The following OCA2 variants were observed in gnomAD, a reference collection of about 807,000 sequenced individuals.
OCA2 encodes OCA2 melanosomal transmembrane protein.
OCA2 carries 77 observed loss-of-function variants against 100.2 expected under a neutral mutation model. The observed-to-expected ratio is 0.77, with a 90% CI of 0.64 to 0.93. OCA2 has a LOEUF of 0.93. Among genes scored for constraint, OCA2 ranks in the 40% least tolerant of loss-of-function variants. The pLI, the probability that OCA2 is intolerant of heterozygous loss-of-function variation, is 0.00. For synonymous variants in OCA2, 432 were observed against 439.2 expected (o/e 0.98, Z 0.21); for missense variants, 1,062 against 1,089.1 (o/e 0.98, Z 0.35).
rs1466304871 is a variant in OCA2, at chr15:28,022,493, T to C, written c.646+8A>G. The C allele has an allele frequency of 1.2e-6, 2 of 1,608,610 alleles. No individual in the cohort carries two copies. The highest frequency in any genetic ancestry group is 1.7e-6 in the Non-Finnish European group (2 of 1,174,920). On this transcript the variant is annotated splice_region_variant and intron_variant, in intron 6 of 23. Transcript: ENST00000354638. ...GCGGCTGGCCATCTCAGAGTGGATT[T>C]TGGATACAGTAGTTCTCCAGCGGTG...
chr15:27,746,835 C>T, the OCA2 span, among the ~76,000 whole-genome samples: 1 of 152,150 alleles, frequency 6.6e-6, no homozygotes, highest in Admixed American at 6.5e-5. Context: ...GCTGCTTCTC[C>T]CAGGCACTAA....
intron 9 of OCA2, among the ~76,000 whole-genome samples, chr15:28,004,760 G>A (rs2042039643): frequency 6.6e-6 from 1 of 151,744 alleles, no homozygotes; most frequent in Admixed American, 6.6e-5. Context: ...CAGACACATG[G>A]TCTCACACAC....
chr15:27,920,595 G>A (rs2038822605), intron 19 of OCA2, among the ~76,000 whole-genome samples: 1 of 151,914 alleles, frequency 6.6e-6, no homozygotes, highest in Admixed American at 6.6e-5. Context: ...GCTGAAGTTA[G>A]GAAAGACTTC....
At chr15:27,961,413 C>G (rs1296873014) in intron 15 of OCA2, among the ~76,000 whole-genome samples, 2 of 152,134 alleles carry the variant, frequency 1.3e-5, no homozygotes, top group East Asian at 3.9e-4. Flanking sequence ...GATCTAGAAC[C>G]AGAAATACCA....
intron 10 of OCA2, among the ~76,000 whole-genome samples, chr15:27,990,166 C>G (rs1364355417): frequency 6.6e-6 from 1 of 152,134 alleles, no homozygotes; most frequent in Admixed American, 6.5e-5. Context: ...ACACCCTCAT[C>G]CCCAAACACG....
chr15:27,749,565 A>G, the OCA2 span, among the ~76,000 whole-genome samples: 4 of 152,184 alleles, frequency 2.6e-5, no homozygotes, highest in Admixed American at 6.5e-5. Flanking sequence ...CTATTAGTAG[A>G]TGACATAATG....
At chr15:27,997,222 AAAG>A (rs1353658185) in intron 9 of OCA2, among the ~76,000 whole-genome samples, 3 of 125,854 alleles carry the variant, frequency 2.4e-5, no homozygotes, top group Non-Finnish European at 5.6e-5. Context: ...GAAAGGAAAG[AAAG>A]AAAGGAAGGA....
intron 23 of OCA2, among the ~76,000 whole-genome samples, chr15:27,843,254 G>A (rs963541678): frequency 6.6e-6 from 1 of 152,112 alleles, no homozygotes; most frequent in Non-Finnish European, 1.5e-5. Context: ...CAGAAGTTAG[G>A]AGCCCGGCCC....
intron 2 of OCA2, among the ~76,000 whole-genome samples, chr15:28,033,070 G>C (rs936084303): frequency 6.6e-6 from 1 of 152,206 alleles, no homozygotes; most frequent in African/African-American, 2.4e-5. Context: ...TGGCCTGCCT[G>C]CCATATGGAA....
intron 19 of OCA2, among the ~76,000 whole-genome samples, chr15:27,903,771 G>A (rs1256281593): frequency 6.6e-6 from 1 of 152,210 alleles, no homozygotes; most frequent in African/African-American, 2.4e-5. Context: ...GCTCACTCTT[G>A]TGCTCAGGAA....
At chr15:27,858,621 A>G (rs1400132804) in intron 21 of OCA2, among the ~76,000 whole-genome samples, 1 of 152,118 alleles carries the variant, frequency 6.6e-6, no homozygotes, top group Non-Finnish European at 1.5e-5. Context: ...ATAACATTAT[A>G]TATTTATAAA....
chr15:27,880,161 T>C (rs1423163247), intron 19 of OCA2, among the ~76,000 whole-genome samples: 1 of 152,194 alleles, frequency 6.6e-6, no homozygotes, highest in Non-Finnish European at 1.5e-5. Flanking sequence ...CAGATGGTTG[T>C]AGATGTGCGG....
intron 9 of OCA2, among the ~76,000 whole-genome samples, chr15:28,010,405 A>G (rs2042208637): frequency 6.6e-6 from 1 of 152,242 alleles, no homozygotes; most frequent in Admixed American, 6.5e-5. Context: ...AGATTGGAAA[A>G]GAAGAAATAA....
chr15:28,021,483 T>A (rs1295765427), intron 6 of OCA2, among the ~76,000 whole-genome samples: 2 of 152,218 alleles, frequency 1.3e-5, no homozygotes, highest in Non-Finnish European at 2.9e-5. Context: ...CACTTCAGAA[T>A]CAGGCGGGAT....
chr15:27,795,533 G>A (rs756258964), intron 23 of OCA2, among the ~76,000 whole-genome samples: 22 of 152,192 alleles, frequency 1.4e-4, no homozygotes, highest in Non-Finnish European at 3.1e-4. Context: ...ACAACCAAAC[G>A]GGCCCCCCAC....
chr15:27,755,665 C>A (rs2030298142), intron 23 of OCA2, among the ~76,000 whole-genome samples, 193 bp from the exon 24 acceptor site: 1 of 152,192 alleles, frequency 6.6e-6, no homozygotes, highest in Admixed American at 6.5e-5. Flanking sequence ...AGACATCCTC[C>A]ATTGTGTGCA....
At chr15:28,083,125 C>CGATT (rs2044705307) in intron 1 of OCA2, among the ~76,000 whole-genome samples, 1 of 152,160 alleles carries the variant, frequency 6.6e-6, no homozygotes, top group Admixed American at 6.5e-5. Flanking sequence ...CACTCCTAAT[C>CGATT]GCCTGTTTCA....
At chr15:27,738,765 C>A in the OCA2 span, among the ~76,000 whole-genome samples, 13 of 151,470 alleles carry the variant, frequency 8.6e-5, no homozygotes, top group Admixed American at 8.5e-4. Flanking sequence ...ACCTACGGAG[C>A]TAAAAATCCG....
intron 2 of OCA2, among the ~76,000 whole-genome samples, chr15:28,054,671 A>G (rs72712670): frequency 9.2e-5 from 14 of 152,262 alleles, no homozygotes; most frequent in African/African-American, 3.1e-4. Context: ...TTACTTACAC[A>G]TAAGTCCAAG....
Sources: gnomAD v4.1 joint callset for allele counts (sites outside exome capture counted in the v4.1 genomes callset) on GRCh38, gnomAD v4.1.1 for gene constraint, MANE v1.5 for transcripts, NCBI Gene and HGNC (gene_info 2026-07-23, HGNC 2026-07-21) for gene names.